The following RTF1 variants were observed in gnomAD, a reference collection of about 807,000 sequenced individuals.
The protein encoded by RTF1 is RNA polymerase-associated protein RTF1 homolog.
In RTF1, 10 loss-of-function variants were observed where a neutral mutation model predicts 95.7. The observed-to-expected ratio is 0.10, with a 90% CI of 0.06 to 0.18. The LOEUF is 0.18. Among genes scored for constraint, RTF1 ranks in the 10% least tolerant of loss-of-function variants. The pLI is 1.00. For synonymous variants in RTF1, 305 were observed against 311.8 expected, an observed-to-expected ratio of 0.98 and a Z score of 0.23; for missense variants, 458 against 875.6, an observed-to-expected ratio of 0.52 and a Z score of 6.02.
At position 41,473,086 on chromosome 15, in the gene RTF1, T is replaced by C. The variant is rs141180812; in HGVS notation, c.1204-1534T>C. Among the ~76,000 whole-genome samples, 357 of 152,302 alleles carry C rather than the reference T, an allele frequency of 2.3e-3. 2 individuals are homozygous for C. Among genetic ancestry groups the C allele is most frequent in the African/African-American group, 8.3e-3 (347 of 41,578 alleles). ...GTCTCAAACTCCGGGCCTCAAGTGA[T>C]GTTCTGGCCTCAGCCTCCTAAAGTG... On this transcript the variant is annotated intron_variant, in intron 8 of 17. Transcript: ENST00000389629.
At chr15:41,457,083 C>CAAT (rs1301818556) in intron 3 of RTF1, among the ~76,000 whole-genome samples, 3 of 150,816 alleles carry the variant, frequency 2.0e-5, no homozygotes, top group East Asian at 4.0e-4. Flanking sequence ...GACTCCGTCT[C>CAAT]AATAATAATA....
intron 16 of RTF1, 110 bp downstream of exon 16, chr15:41,479,308 TC>T: frequency 1.5e-6 from 1 of 687,832 alleles, no homozygotes; most frequent in Non-Finnish European, 2.6e-6. Flanking sequence ...GAACAGGGAG[TC>T]CCTCTTGGAG....
intron 2 of RTF1, among the ~76,000 whole-genome samples, chr15:41,451,902 A>G (rs1387578915): frequency 6.6e-6 from 1 of 152,186 alleles, no homozygotes; most frequent in Non-Finnish European, 1.5e-5. Context: ...TCTATTGGCA[A>G]TAAAACATAC....
At chr15:41,422,715 A>G (rs2050608516) in intron 1 of RTF1, among the ~76,000 whole-genome samples, 1 of 152,202 alleles carries the variant, frequency 6.6e-6, no homozygotes, top group Non-Finnish European at 1.5e-5. Context: ...TTCTCTGTTT[A>G]TCTAACTTGA....
chr15:41,465,016 T>C, intron 5 of RTF1, 131 bp downstream of exon 5: 1 of 1,344,592 alleles, frequency 7.4e-7, no homozygotes, highest in Non-Finnish European at 9.6e-7. Flanking sequence ...ACTTGTGACA[T>C]GGTTTCATTA....
chr15:41,451,676 C>A (rs1428204088), intron 2 of RTF1, among the ~76,000 whole-genome samples: 3 of 152,168 alleles, frequency 2.0e-5, no homozygotes, highest in African/African-American at 7.2e-5. Context: ...GCCATTCATG[C>A]CAAAGAATGG....
At chr15:41,435,269 T>G (rs2050696053) in intron 1 of RTF1, among the ~76,000 whole-genome samples, 1 of 152,138 alleles carries the variant, frequency 6.6e-6, no homozygotes, top group Admixed American at 6.6e-5. Context: ...GGTCGTGGTT[T>G]AAAGTATTTG....
intron 4 of RTF1, among the ~76,000 whole-genome samples, chr15:41,458,336 C>T (rs1252349302): frequency 3.9e-5 from 6 of 152,236 alleles, no homozygotes; most frequent in Admixed American, 3.9e-4. Context: ...AAGAAACTTG[C>T]CCAAGGTGAT....
chr15:41,438,587 G>A (rs575282722), intron 2 of RTF1, among the ~76,000 whole-genome samples, 156 bp downstream of exon 2: 6 of 152,124 alleles, frequency 3.9e-5, no homozygotes, highest in Non-Finnish European at 7.4e-5. Context: ...AAGGCCGGGC[G>A]CTGTGGCTCT....
chr15:41,452,293 G>A (rs2050792820), intron 2 of RTF1, among the ~76,000 whole-genome samples: 1 of 151,868 alleles, frequency 6.6e-6, no homozygotes, highest in Non-Finnish European at 1.5e-5. Context: ...CAGCTTAGCC[G>A]GGTGTGGTGG....
intron 2 of RTF1, among the ~76,000 whole-genome samples, chr15:41,440,490 CTTTT>C (rs1271679997): frequency 2.5e-5 from 3 of 117,938 alleles, no homozygotes; most frequent in African/African-American, 6.3e-5. Context: ...CGCCTGGCCT[CTTTT>C]TTTTTTTTTT....
Position 41,470,171 on chromosome 15 carries a change from T to A in RTF1, c.890-86T>A, listed in dbSNP as rs2050902746. 4 of 1,422,374 alleles carry A rather than the reference T, an allele frequency of 2.8e-6. No homozygotes were observed. The South Asian group carries it at 5.0e-5, about 18-fold the overall frequency. The allele number at this position is 1,422,374 out of a possible 1,614,324, so 88.1% of individuals were successfully genotyped here. A position where few individuals can be genotyped will look rare whatever the true frequency, so the allele number is the denominator to read the frequency against. On this transcript the variant is annotated intron_variant, in intron 6 of 17. Transcript: ENST00000389629. ...GAGAGGACGGAGCTGTGTATTTGAGTCCTCTTCCATTTCCAGTTCTTTTTC... is the reference window on the plus strand; with the variant it reads ...GAGAGGACGGAGCTGTGTATTTGAGACCTCTTCCATTTCCAGTTCTTTTTC...
At chr15:41,421,874 C>T (rs28700583) in intron 1 of RTF1, among the ~76,000 whole-genome samples, 32,758 of 151,724 alleles carry the variant, frequency 0.22, 3,885 homozygotes, top group Non-Finnish European at 0.26. Flanking sequence ...CCACACCCAG[C>T]TAATTTTTAA....
intron 1 of RTF1, among the ~76,000 whole-genome samples, chr15:41,420,721 C>A (rs2050596217): frequency 6.6e-6 from 1 of 152,038 alleles, no homozygotes; most frequent in Non-Finnish European, 1.5e-5. Context: ...ATATATGGGC[C>A]TTCTAGGCTG....
chr15:41,446,569 A>ATTACT (rs112306105), intron 2 of RTF1, among the ~76,000 whole-genome samples: 51,645 of 151,294 alleles, frequency 0.34, 8,900 homozygotes, highest in African/African-American at 0.4. Context: ...AAAAAAAAAA[A>ATTACT]TTATTTTCAT....
intron 6 of RTF1, among the ~76,000 whole-genome samples, chr15:41,469,290 A>G (rs1481499337): frequency 2.0e-5 from 3 of 151,868 alleles, no homozygotes; most frequent in Non-Finnish European, 2.9e-5. Context: ...TTCTTTTTAA[A>G]TCGTAAGTAC....
chr15:41,461,523 C>T (rs532029558), intron 4 of RTF1, among the ~76,000 whole-genome samples: 17 of 146,566 alleles, frequency 1.2e-4, no homozygotes, highest in African/African-American at 7.6e-5. Flanking sequence ...GACTGAGTCT[C>T]GCTCTGTCCC....
Position 41,450,045 on chromosome 15 carries a change from A to G in RTF1, c.310-2856A>G, listed in dbSNP as rs527375571. 4.6e-5 allele frequency among the ~76,000 whole-genome samples: 7 copies of G among 152,110 alleles called. No homozygotes were observed. The South Asian group carries it at 1.5e-3, about 32-fold the overall frequency. The stretch of plus-strand genomic sequence containing the variant: ...ACCTCCTCTCTACAAAAAGTTAACA[A>G]ATTAGCCAGGTATAGTGGCATGCAC... On this transcript the variant is annotated intron_variant, in intron 2 of 17. Coordinates refer to ENST00000389629, the MANE Select transcript of RTF1 (RefSeq NM_015138.5).
chr15:41,427,391 T>G (rs2050641109), intron 1 of RTF1, among the ~76,000 whole-genome samples: 1 of 152,068 alleles, frequency 6.6e-6, no homozygotes, highest in African/African-American at 2.4e-5. Context: ...GACCTCGTGA[T>G]CCACCCACCC....
Sources: gnomAD v4.1 joint callset for allele counts (sites outside exome capture counted in the v4.1 genomes callset) on GRCh38, gnomAD v4.1.1 for gene constraint, MANE v1.5 for transcripts, NCBI Gene and HGNC (gene_info 2026-07-23, HGNC 2026-07-21) for gene names.